The following BLOC1S5 variants were observed in gnomAD, a reference collection of about 807,000 sequenced individuals.
BLOC1S5 encodes the protein biogenesis of lysosome-related organelles complex 1 subunit 5.
BLOC1S5 carries 27 observed loss-of-function variants against 24.3 expected under a neutral mutation model. The ratio of observed to expected loss-of-function variants is 1.11; its 90% confidence interval spans 0.82 to 1.53. BLOC1S5 has a LOEUF of 1.53. Among genes scored for constraint, BLOC1S5 ranks in the 40% most tolerant of loss-of-function variants. The probability of loss-of-function intolerance (pLI) is 0.00; values close to 1 mark genes in which losing one functional copy is unlikely to be tolerated. For synonymous variants in BLOC1S5, 84 were observed against 74.5 expected (o/e 1.13, Z -0.66); for missense variants, 239 against 229.4 (o/e 1.04, Z -0.27).
chr6:8,059,253 G>A (rs1253956735), intron 2 of BLOC1S5, among the ~76,000 whole-genome samples: 1 of 152,226 alleles, frequency 6.6e-6, no homozygotes, highest in Non-Finnish European at 1.5e-5. Context: ...GAGACAGACA[G>A]TCATCTGTCC....
intron 3 of BLOC1S5, among the ~76,000 whole-genome samples, chr6:8,037,994 A>T (rs1207353016): frequency 6.6e-6 from 1 of 152,168 alleles, no homozygotes; most frequent in East Asian, 1.9e-4. Context: ...CATCCACAAA[A>T]ATCAAATAAA....
intron 4 of BLOC1S5, among the ~76,000 whole-genome samples, chr6:8,016,236 G>A (rs533234789): frequency 6.6e-6 from 1 of 152,130 alleles, no homozygotes; most frequent in East Asian, 1.9e-4. Context: ...TGAGGTGGAA[G>A]AATCGCCTGA....
chr6:8,053,501 T>C (rs1198901467), intron 2 of BLOC1S5, among the ~76,000 whole-genome samples: 4 of 152,234 alleles, frequency 2.6e-5, no homozygotes, highest in African/African-American at 9.6e-5. Context: ...TTAGCAGCCT[T>C]AGCAAGAAAG....
At chr6:8,037,613 AAAAT>A (rs554065278) in intron 3 of BLOC1S5, among the ~76,000 whole-genome samples, 45 of 152,342 alleles carry the variant, frequency 3.0e-4, no homozygotes, top group Non-Finnish European at 5.4e-4. Context: ...AGAAACAGGA[AAAAT>A]AAATCCTAAA....
intron 4 of BLOC1S5, among the ~76,000 whole-genome samples, chr6:8,023,395 GC>G (rs1390761426): frequency 1.3e-5 from 2 of 152,120 alleles, no homozygotes; most frequent in African/African-American, 4.8e-5. Flanking sequence ...CTCAAGACCA[GC>G]CTGACCAACA....
intron 4 of BLOC1S5, among the ~76,000 whole-genome samples, chr6:8,025,888 C>T (rs1290071778): frequency 6.6e-6 from 1 of 152,168 alleles, no homozygotes; most frequent in Non-Finnish European, 1.5e-5. Flanking sequence ...GCTATTTTTC[C>T]ACATCTGAAT....
chr6:8,061,827 T>C (rs1264315575), intron 2 of BLOC1S5, among the ~76,000 whole-genome samples: 2 of 152,232 alleles, frequency 1.3e-5, no homozygotes, highest in African/African-American at 4.8e-5. Flanking sequence ...GGAAACAAGA[T>C]GGCATGTTCA....
chr6:8,033,699 G>C (rs998358568), intron 3 of BLOC1S5, among the ~76,000 whole-genome samples: 8 of 152,122 alleles, frequency 5.3e-5, no homozygotes, highest in African/African-American at 1.9e-4. Context: ...GCAACCTACA[G>C]AATGGGAGAA....
intron 4 of BLOC1S5, 104 bp downstream of exon 4, chr6:8,026,262 TA>T: frequency 1.1e-6 from 1 of 876,424 alleles, no homozygotes; most frequent in Non-Finnish European, 1.8e-6. Flanking sequence ...TTAAAATATG[TA>T]AAACTCACTG....
intron 2 of BLOC1S5, among the ~76,000 whole-genome samples, chr6:8,059,428 A>G (rs1237284855): frequency 6.6e-6 from 1 of 152,366 alleles, no homozygotes; most frequent in African/African-American, 2.4e-5. Context: ...TTAAACATAT[A>G]AACAACTTTA....
chr6:8,016,322 T>G (rs181197757), intron 4 of BLOC1S5, among the ~76,000 whole-genome samples: 1 of 132,720 alleles, frequency 7.5e-6, no homozygotes, highest in African/African-American at 3.2e-5. Flanking sequence ...TGAGACTCCG[T>G]CTCAAAAAAA....
At chr6:8,059,488 A>G (rs891501581) in intron 2 of BLOC1S5, among the ~76,000 whole-genome samples, 1 of 152,232 alleles carries the variant, frequency 6.6e-6, no homozygotes, top group African/African-American at 2.4e-5. Flanking sequence ...TTCAAATGAT[A>G]CAGAAAAGAT....
At chr6:8,016,876 C>CA (rs36179729) in intron 4 of BLOC1S5, among the ~76,000 whole-genome samples, 10,928 of 97,540 alleles carry the variant, frequency 0.11, 915 homozygotes, top group Middle Eastern at 0.21. Context: ...TACTCTATCT[C>CA]AAAAAAAAAA....
intron 3 of BLOC1S5, among the ~76,000 whole-genome samples, chr6:8,030,865 C>T (rs201566330): frequency 8.4e-6 from 1 of 118,546 alleles, no homozygotes; most frequent in Non-Finnish European, 1.7e-5. Context: ...GACCAACAGT[C>T]AAAAAAAAAA....
At chr6:8,056,162 A>C (rs990700329) in intron 2 of BLOC1S5, among the ~76,000 whole-genome samples, 2 of 152,166 alleles carry the variant, frequency 1.3e-5, no homozygotes, top group Non-Finnish European at 2.9e-5. Flanking sequence ...CTGTGAGCCA[A>C]ATACATTTCT....
At chr6:8,017,628 AAT>A (rs549289203) in intron 4 of BLOC1S5, among the ~76,000 whole-genome samples, 3 of 152,240 alleles carry the variant, frequency 2.0e-5, no homozygotes, top group Non-Finnish European at 2.9e-5. Flanking sequence ...TGAAGGGCTG[AAT>A]AAGCCAATGT....
At chr6:8,026,746 A>G (rs936813735) in intron 3 of BLOC1S5, among the ~76,000 whole-genome samples, 1 of 152,156 alleles carries the variant, frequency 6.6e-6, no homozygotes, top group African/African-American at 2.4e-5. Flanking sequence ...CACTTCAACA[A>G]CTTTCTACTA....
At chr6:8,022,496 AGT>A (rs1762945560) in intron 4 of BLOC1S5, among the ~76,000 whole-genome samples, 1 of 151,932 alleles carries the variant, frequency 6.6e-6, no homozygotes. Flanking sequence ...AAGGAGTGTC[AGT>A]ATAACAACTG....
intron 2 of BLOC1S5, chr6:8,054,158 T>C (rs1480665533): frequency 5.3e-6 from 2 of 379,604 alleles, no homozygotes; most frequent in Non-Finnish European, 1.0e-5. Context: ...ATCTTCTCTT[T>C]TCCCAGCTTT....
Sources: allele counts gnomAD v4.1 joint callset (sites outside exome capture counted in the v4.1 genomes callset), GRCh38; gene constraint gnomAD v4.1.1; transcripts MANE v1.5; gene names NCBI Gene and HGNC (gene_info 2026-07-23, HGNC 2026-07-21).